XRCC4: variants seen among roughly 807,000 people sequenced by gnomAD.
XRCC4 encodes the protein DNA repair protein XRCC4.
Under a neutral mutation model 39.1 loss-of-function variants are expected in XRCC4, and 28 were observed. The observed-to-expected ratio is 0.72, with a 90% CI of 0.53 to 0.98. XRCC4 has a LOEUF of 0.98. Ranked by LOEUF, XRCC4 falls within the 50% of genes least tolerant of loss-of-function variation. XRCC4 has a pLI of 0.00. For missense variants in XRCC4, 350 were observed against 376.4 expected, an observed-to-expected ratio of 0.93 and a Z score of 0.58; for synonymous variants, 123 against 126.4, an observed-to-expected ratio of 0.97 and a Z score of 0.18.
the XRCC4 span, among the ~76,000 whole-genome samples, chr5:83,363,154 G>A: frequency 1.3e-5 from 2 of 152,272 alleles, no homozygotes; most frequent in Admixed American, 1.3e-4. Flanking sequence ...GGGAGAAGCG[G>A]CCATGCCCAA....
chr5:83,151,815 T>C (rs1748717245), intron 3 of XRCC4, among the ~76,000 whole-genome samples: 1 of 152,218 alleles, frequency 6.6e-6, no homozygotes, highest in Non-Finnish European at 1.5e-5. Flanking sequence ...ATAGTAACAT[T>C]AACCAAATGT....
chr5:83,234,548 T>C (rs2112826579), intron 6 of XRCC4, among the ~76,000 whole-genome samples: 1 of 152,232 alleles, frequency 6.6e-6, no homozygotes, highest in South Asian at 2.1e-4. Context: ...ATGTACTCTA[T>C]TGTGCCCAGC....
chr5:83,129,932 C>A (rs552791575), intron 3 of XRCC4, among the ~76,000 whole-genome samples: 1 of 152,128 alleles, frequency 6.6e-6, no homozygotes, highest in African/African-American at 2.4e-5. Flanking sequence ...ATTTGGCTTC[C>A]TCTTTTCCTA....
At chr5:83,186,142 C>T (rs1448318691) in intron 3 of XRCC4, among the ~76,000 whole-genome samples, 1 of 152,058 alleles carries the variant, frequency 6.6e-6, no homozygotes, top group Non-Finnish European at 1.5e-5. Context: ...TATTGTTTCT[C>T]AATACTTGTA....
intron 1 of XRCC4, among the ~76,000 whole-genome samples, chr5:83,081,341 T>C (rs1744932127): frequency 6.6e-6 from 1 of 152,336 alleles, no homozygotes; most frequent in East Asian, 1.9e-4. Flanking sequence ...TTTCCTCTTA[T>C]CCTCAGCTAG....
chr5:83,327,848 ACTT>A (rs917597977), intron 7 of XRCC4, among the ~76,000 whole-genome samples: 11 of 152,118 alleles, frequency 7.2e-5, no homozygotes, highest in African/African-American at 2.7e-4. Context: ...AAATAGAAAC[ACTT>A]CTTCTCAACA....
the XRCC4 span, among the ~76,000 whole-genome samples, chr5:83,366,090 G>A: frequency 6.6e-6 from 1 of 152,214 alleles, no homozygotes; most frequent in Non-Finnish European, 1.5e-5. Flanking sequence ...CTTTTTAACA[G>A]CCCCATTAAC....
intron 3 of XRCC4, among the ~76,000 whole-genome samples, chr5:83,138,461 C>A (rs1748006037): frequency 6.6e-6 from 1 of 151,822 alleles, no homozygotes; most frequent in African/African-American, 2.4e-5. Flanking sequence ...GCTAGTAGAC[C>A]CAGAACTTTC....
chr5:83,093,947 G>A (rs1471162910), intron 1 of XRCC4, among the ~76,000 whole-genome samples: 1 of 151,954 alleles, frequency 6.6e-6, no homozygotes, highest in Non-Finnish European at 1.5e-5. Flanking sequence ...CTCTCTCCTG[G>A]TCTGGGGTTT....
chr5:83,230,125 A>G (rs953998329), intron 6 of XRCC4, among the ~76,000 whole-genome samples: 2 of 151,962 alleles, frequency 1.3e-5, no homozygotes, highest in Non-Finnish European at 2.9e-5. Flanking sequence ...GAAGTGCAGC[A>G]TTCTGAAGTT....
chr5:83,321,539 C>T (rs1275818246), intron 7 of XRCC4, among the ~76,000 whole-genome samples: 9 of 152,024 alleles, frequency 5.9e-5, no homozygotes, highest in African/African-American at 1.9e-4. Context: ...TCCTATTAAG[C>T]CACAGAAAAT....
At chr5:83,236,072 CA>C (rs1250290250) in intron 6 of XRCC4, among the ~76,000 whole-genome samples, 2 of 151,706 alleles carry the variant, frequency 1.3e-5, no homozygotes, top group Non-Finnish European at 2.9e-5. Flanking sequence ...TTAAAGGGTC[CA>C]CAAAAAAATG....
At chr5:83,182,767 C>G (rs561975693) in intron 3 of XRCC4, among the ~76,000 whole-genome samples, 1 of 152,070 alleles carries the variant, frequency 6.6e-6, no homozygotes, top group Non-Finnish European at 1.5e-5. Flanking sequence ...GAGGCCTGAG[C>G]GAGGCTATTG....
At chr5:83,244,438 A>G (rs956527105) in intron 6 of XRCC4, among the ~76,000 whole-genome samples, 2 of 152,208 alleles carry the variant, frequency 1.3e-5, no homozygotes, top group African/African-American at 2.4e-5. Flanking sequence ...GTGAAGTTCT[A>G]CATCTCTTAC....
intron 1 of XRCC4, among the ~76,000 whole-genome samples, chr5:83,096,471 A>G (rs1745684132): frequency 6.6e-6 from 1 of 152,110 alleles, no homozygotes; most frequent in Admixed American, 6.5e-5. Context: ...AGGGGGCTGA[A>G]GCCAAGCCGT....
chr5:83,152,146 A>G (rs577138736), intron 3 of XRCC4, among the ~76,000 whole-genome samples: 1 of 152,390 alleles, frequency 6.6e-6, no homozygotes, highest in South Asian at 2.1e-4. Context: ...GTTACTAAGC[A>G]ATAAAAGATT....
intron 6 of XRCC4, among the ~76,000 whole-genome samples, chr5:83,217,773 A>G (rs1288963032): frequency 6.6e-6 from 1 of 152,082 alleles, no homozygotes; most frequent in Non-Finnish European, 1.5e-5. Flanking sequence ...CTTACATTCA[A>G]ATCCCAAGGG....
At position 83,161,486 on chromosome 5, in the gene XRCC4, T is replaced by G. The variant is rs1205168284; in HGVS notation, c.316-34284T>G. ...AATATAAGTCATCTTTATCTTTTAATAGAGACACTACCTTTTAGTAGATAA... is the reference window on the plus strand; with the variant it reads ...AATATAAGTCATCTTTATCTTTTAAGAGAGACACTACCTTTTAGTAGATAA... On this transcript the variant is annotated intron_variant, in intron 3 of 7. Transcript: ENST00000396027. Among the ~76,000 whole-genome samples the G allele has an allele frequency of 2.0e-5, 3 of 152,192 alleles. No individual in the cohort carries two copies. In the East Asian group the frequency reaches 5.8e-4, roughly 29 times the overall value.
chr5:83,341,653 AC>A (rs1365796640), intron 7 of XRCC4, among the ~76,000 whole-genome samples: 1 of 151,652 alleles, frequency 6.6e-6, no homozygotes, highest in Non-Finnish European at 1.5e-5. Context: ...GTTAGTGATG[AC>A]CCCCCCACTC....
Sources: allele counts gnomAD v4.1 joint callset (sites outside exome capture counted in the v4.1 genomes callset), GRCh38; gene constraint gnomAD v4.1.1; transcripts MANE v1.5; gene names NCBI Gene and HGNC (gene_info 2026-07-23, HGNC 2026-07-21).